The following CHML variants were observed in gnomAD, a reference collection of about 807,000 sequenced individuals.
CHML encodes the protein rab proteins geranylgeranyltransferase component A 2.
A neutral mutation model predicts 30.4 loss-of-function variants in CHML; 20 were observed. The observed-to-expected ratio is 0.66, with a 90% confidence interval of 0.46 to 0.95. CHML has a LOEUF of 0.95. Among genes scored for constraint, CHML ranks in the 40% least tolerant of loss-of-function variants. The pLI is 0.00. For missense variants in CHML, 795 were observed against 768.5 expected (o/e 1.03, Z -0.41); for synonymous variants, 281 against 275.0 (o/e 1.02, Z -0.22).
In CHML at chr1:241,631,844, G is replaced by C. The variant is rs1664646538; in HGVS notation, c.*1952C>G. The C allele has an allele frequency of 6.6e-6, 1 of 152,058 alleles. No individual in the cohort carries two copies. The highest frequency in any genetic ancestry group is 1.5e-5 in the Non-Finnish European group (1 of 67,996). The allele number at this position is 152,058 out of a possible 1,614,324, so 9.4% of individuals were successfully genotyped here. ...CCGGCAATGCTAGACTAATTTTCGT[G>C]GGCACTTTCTCTTTCTCCTGCAGCG... On this transcript the variant is annotated 3_prime_UTR_variant, in exon 2 of 2. Transcript: ENST00000366553.
rs900094675 is a variant in CHML, at chr1:241,633,131, T to C, written c.*665A>G. The C allele has an allele frequency of 6.6e-6, 1 of 152,192 alleles. No homozygotes were observed. Among genetic ancestry groups the C allele is most frequent in the Non-Finnish European group, 1.5e-5 (1 of 68,024 alleles). The allele number at this position is 152,192 out of a possible 1,614,324, so 9.4% of individuals were successfully genotyped here. A position where few individuals can be genotyped will look rare whatever the true frequency, so the allele number is the denominator to read the frequency against. ...ACTAATTGAACTCCAATTCTTTTTG[T>C]AAATTAGAATACTGTGGTGGCATCA... On this transcript the variant is annotated 3_prime_UTR_variant, in exon 2 of 2. Transcript: ENST00000366553.
At position 241,634,134 on chromosome 1, in the gene CHML, T is replaced by TTGTAA; in HGVS notation, c.1628_1632dup (p.Lys545LeufsTer14). The TTGTAA allele has an allele frequency of 6.2e-7, 1 of 1,613,120 alleles. No homozygotes were observed. The highest frequency in any genetic ancestry group is 8.5e-7 in the Non-Finnish European group (1 of 1,179,700). On this transcript the variant is annotated frameshift_variant, in exon 2 of 2. Coordinates refer to ENST00000366553, the MANE Select transcript of CHML (RefSeq NM_001381853.1). LOFTEE classifies it high-confidence loss of function. ...TAAAGAGCCCACAAGAGTCTTGGCT[T>TTGTAA]TGTAAGTTCTTCCTCGTTTATTTCT...
At position 241,633,939 on chromosome 1, in the gene CHML, G is replaced by A. The variant is rs1295152120; in HGVS notation, c.1828C>T (p.Pro610Ser). The A allele has an allele frequency of 3.7e-6, 6 of 1,613,924 alleles. No homozygotes were observed. In the South Asian group the frequency reaches 6.6e-5, roughly 18 times the overall value. ...AAGATAATGTCTTCTGGATTTGGAG[G>A]TGGAGGGCAGAATTCTTCAGTTGGA... ...IFPTEEFCPP[P>S]PNPEDIIFDG... Residue 610 changes from proline to serine, a missense_variant, in exon 2 of 2, where the codon CCT (proline) becomes TCT (serine). Pro to Ser is a moderately conservative substitution (Grantham distance 74). Coordinates refer to ENST00000366553, the MANE Select transcript of CHML (RefSeq NM_001381853.1).
intron 1 of CHML, among the ~76,000 whole-genome samples, chr1:241,637,769 GAA>G (rs948864092): frequency 5.9e-5 from 9 of 152,166 alleles, no homozygotes; most frequent in African/African-American, 2.2e-4. Flanking sequence ...AGTGACTTGA[GAA>G]AGCCCGCACA....
chr1:241,634,212 T>C lies in CHML; in HGVS notation c.1555A>G (p.Arg519Gly). The C allele has an allele frequency of 6.2e-7, 1 of 1,614,020 alleles. No homozygotes were observed. The highest frequency in any genetic ancestry group is 2.2e-5 in the East Asian group (1 of 44,884). ...TTCACCACTGATTCTAAGTCTTCTC[T>C]TGCTGTTTTAGAAGATGAACATGTC... ...HLTCSSSKTAREDLESVVKKL... is the reference protein window; with the variant it reads ...HLTCSSSKTAGEDLESVVKKL... Residue 519 changes from arginine (R) to glycine (G), a missense_variant, in exon 2 of 2, where the codon AGA becomes GGA. Transcript: ENST00000366553.
At position 241,629,686 on chromosome 1, in the gene CHML, G is replaced by C. The variant is rs1404038023; in HGVS notation, c.*4110C>G. 6.6e-6 allele frequency: 1 copy of C among 152,036 alleles called. No homozygotes were observed. Among genetic ancestry groups the C allele is most frequent in the Non-Finnish European group, 1.5e-5 (1 of 67,934 alleles). The allele number at this position is 152,036 out of a possible 1,614,324, so 9.4% of individuals were successfully genotyped here. A position where few individuals can be genotyped will look rare whatever the true frequency, so the allele number is the denominator to read the frequency against. ...TTATACCACTATTGGTGTGAGACTT[G>C]TAGTATTTTTCTTTTTATACTTAAC... is the stretch of plus-strand genomic sequence containing the variant. On this transcript the variant is annotated 3_prime_UTR_variant, in exon 2 of 2. Coordinates refer to ENST00000366553, the MANE Select transcript of CHML (RefSeq NM_001381853.1).
rs1664707703 is a variant in CHML, at chr1:241,633,028, C to A, written c.*768G>T. Reference sequence around the variant, plus strand: ...CAGGGCAGGGCTCTGCAGAAATTTTCTGAAGTATTAAATAAGAATAAATCT... The same window carrying A: ...CAGGGCAGGGCTCTGCAGAAATTTTATGAAGTATTAAATAAGAATAAATCT... On this transcript the variant is annotated 3_prime_UTR_variant, in exon 2 of 2. Coordinates refer to ENST00000366553, the MANE Select transcript of CHML (RefSeq NM_001381853.1). The A allele has an allele frequency of 1.3e-5, 2 of 152,244 alleles. No homozygotes were observed. The highest frequency in any genetic ancestry group is 4.8e-5 in the African/African-American group (2 of 41,540). The allele number at this position is 152,244 out of a possible 1,614,324, so 9.4% of individuals were successfully genotyped here. A position where few individuals can be genotyped will look rare whatever the true frequency, so the allele number is the denominator to read the frequency against.
rs1201771575 is a variant in CHML at position 241,640,349 on chromosome 1, C to T, written c.-775G>A. On this transcript the variant is annotated 5_prime_UTR_variant, in exon 1 of 2. Transcript: ENST00000366553. ...CTGGGTGGGGTTGGGGCTCCGCCGC[C>T]TGCTCTAGCCATTGTGCACTGAGGG... 3 of 1,061,454 alleles carry T rather than the reference C, an allele frequency of 2.8e-6. No homozygotes were observed. Among genetic ancestry groups the T allele is most frequent in the Non-Finnish European group, 3.4e-6 (3 of 881,448 alleles). 65.8% of individuals were successfully genotyped at this position (1,061,454 alleles called of 1,614,324 possible).
At position 241,629,482 on chromosome 1, in the gene CHML, T is replaced by C. The variant is rs1434979108; in HGVS notation, c.*4314A>G. 3 of 152,132 alleles carry C rather than the reference T, an allele frequency of 2.0e-5. No individual in the cohort carries two copies. The highest frequency in any genetic ancestry group is 4.8e-5 in the African/African-American group (2 of 41,464). 9.4% of individuals were successfully genotyped at this position (152,132 alleles called of 1,614,324 possible). ...ATTTATACACGATCGCTTTATAAAT[T>C]TGCCTAAGAGTACAAACCCTTATGG... On this transcript the variant is annotated 3_prime_UTR_variant, in exon 2 of 2. Coordinates refer to ENST00000366553, the MANE Select transcript of CHML (RefSeq NM_001381853.1).
intron 1 of CHML, among the ~76,000 whole-genome samples, chr1:241,636,879 A>C (rs1444816811): frequency 6.6e-6 from 1 of 152,106 alleles, no homozygotes; most frequent in African/African-American, 2.4e-5. Context: ...GAATCTCTGC[A>C]TCCCAAGCAA....
Position 241,635,181 on chromosome 1 carries a change from CATCTTT to C in CHML, c.580_585del (p.Lys194_Asp195del). On this transcript the variant is annotated inframe_deletion, in exon 2 of 2. Coordinates refer to ENST00000366553, the MANE Select transcript of CHML (RefSeq NM_001381853.1). ...GTAGATTTGCTTTCATCTTTATCTC[CATCTTT>C]ATCTGAAACTGTGTGCATACAAGTT... 3 of 1,613,010 alleles carry C rather than the reference CATCTTT, an allele frequency of 1.9e-6. No homozygotes were observed. The highest frequency in any genetic ancestry group is 2.5e-6 in the Non-Finnish European group (3 of 1,179,884).
chr1:241,630,815 T>A lies in CHML; in HGVS notation c.*2981A>T, dbSNP rs1467057815. ...TGAATTTTTGAAAAGTTATCTGTAA[T>A]TAATACTTTGGATTTTACTATTTGT... On this transcript the variant is annotated 3_prime_UTR_variant, in exon 2 of 2. Transcript: ENST00000366553. 1 of 152,128 alleles carries A rather than the reference T, an allele frequency of 6.6e-6. No individual in the cohort carries two copies. Among genetic ancestry groups the A allele is most frequent in the Admixed American group, 6.5e-5 (1 of 15,268 alleles). 9.4% of individuals were successfully genotyped at this position (152,128 alleles called of 1,614,324 possible). A position where few individuals can be genotyped will look rare whatever the true frequency, so the allele number is the denominator to read the frequency against.
At position 241,630,922 on chromosome 1, in the gene CHML, T is replaced by A. The variant is rs138332350; in HGVS notation, c.*2874A>T. ...TGATAGTAAATTATTTGTTGCTGTATTGTTTGCCAATATTTTATTTTGCAT... is the reference window on the plus strand; with the variant it reads ...TGATAGTAAATTATTTGTTGCTGTAATGTTTGCCAATATTTTATTTTGCAT... On this transcript the variant is annotated 3_prime_UTR_variant, in exon 2 of 2. Coordinates refer to ENST00000366553, the MANE Select transcript of CHML (RefSeq NM_001381853.1). 6.6e-6 allele frequency: 1 copy of A among 152,096 alleles called. No homozygotes were observed. The highest frequency in any genetic ancestry group is 1.5e-5 in the Non-Finnish European group (1 of 67,940). 9.4% of individuals were successfully genotyped at this position (152,096 alleles called of 1,614,324 possible). A position where few individuals can be genotyped will look rare whatever the true frequency, so the allele number is the denominator to read the frequency against.
At position 241,633,722 on chromosome 1, in the gene CHML, G is replaced by A; in HGVS notation, c.*74C>T. The A allele has an allele frequency of 1.3e-6, 2 of 1,506,586 alleles. No homozygotes were observed. 93.3% of individuals were successfully genotyped at this position (1,506,586 alleles called of 1,614,324 possible). On this transcript the variant is annotated 3_prime_UTR_variant, in exon 2 of 2. Transcript: ENST00000366553. The stretch of plus-strand genomic sequence containing the variant: ...TAACCACTTCTAATTACTCATATGG[G>A]AAACTGTCCTTTAAATGAGAAAATT...
Position 241,640,303 on chromosome 1 carries a change from G to A in CHML, c.-729C>T. ...GGGCGGAGGCGCTCAGCTTGCGGCG[G>A]GGCTCGCGGCGCGCTCCGCACTGGG... is the stretch of plus-strand genomic sequence containing the variant. On this transcript the variant is annotated 5_prime_UTR_variant, in exon 1 of 2. Transcript: ENST00000366553. The A allele has an allele frequency of 1.8e-6, 2 of 1,114,886 alleles. No homozygotes were observed. Among genetic ancestry groups the A allele is most frequent in the South Asian group, 4.4e-5 (1 of 22,710 alleles). The allele number at this position is 1,114,886 out of a possible 1,614,324, so 69.1% of individuals were successfully genotyped here. A position where few individuals can be genotyped will look rare whatever the true frequency, so the allele number is the denominator to read the frequency against.
In CHML at chr1:241,634,085, C is replaced by G; in HGVS notation, c.1682G>C (p.Gly561Ala). Residue 561 changes from glycine to alanine, a missense_variant, in exon 2 of 2, where the codon GGA (glycine) becomes GCA (alanine). Coordinates refer to ENST00000366553, the MANE Select transcript of CHML (RefSeq NM_001381853.1). ...GCCATTATACGAGCTTCTGCTGATT[C>G]CCGAGGAATCTCTCATATTAAAATA... ...ALYFNMRDSS[G>A]ISRSSYNGLP... 6.2e-7 allele frequency: 1 copy of G among 1,611,332 alleles called. No individual in the cohort carries two copies. Among genetic ancestry groups the G allele is most frequent in the East Asian group, 2.2e-5 (1 of 44,866 alleles).
chr1:241,640,311 G>T lies in CHML; in HGVS notation c.-737C>A. On this transcript the variant is annotated 5_prime_UTR_variant, in exon 1 of 2. Coordinates refer to ENST00000366553, the MANE Select transcript of CHML (RefSeq NM_001381853.1). ...GCGCTCAGCTTGCGGCGGGGCTCGC[G>T]GCGCGCTCCGCACTGGGTGGGGTTG... 9.1e-7 allele frequency: 1 copy of T among 1,100,544 alleles called. No individual in the cohort carries two copies. The highest frequency in any genetic ancestry group is 4.4e-5 in the South Asian group (1 of 22,510). The allele number at this position is 1,100,544 out of a possible 1,614,324, so 68.2% of individuals were successfully genotyped here.
At position 241,629,796 on chromosome 1, in the gene CHML, TTAA is replaced by T. The variant is rs1573965165; in HGVS notation, c.*3997_*3999del. On this transcript the variant is annotated 3_prime_UTR_variant, in exon 2 of 2. Coordinates refer to ENST00000366553, the MANE Select transcript of CHML (RefSeq NM_001381853.1). ...TAGCTAGTCTTTCCACCAGCAGTTA[TTAA>T]TATTTCTTTCTTTCCATTGGCTTAT... 3 of 152,124 alleles carry T rather than the reference TTAA, an allele frequency of 2.0e-5. No individual in the cohort carries two copies. Among genetic ancestry groups the T allele is most frequent in the African/African-American group, 7.2e-5 (3 of 41,450 alleles). The allele number at this position is 152,124 out of a possible 1,614,324, so 9.4% of individuals were successfully genotyped here.
chr1:241,629,383 T>C lies in CHML; in HGVS notation c.*4413A>G, dbSNP rs1664527356. 1 of 152,120 alleles carries C rather than the reference T, an allele frequency of 6.6e-6. No individual in the cohort carries two copies. Among genetic ancestry groups the C allele is most frequent in the Non-Finnish European group, 1.5e-5 (1 of 67,970 alleles). The allele number at this position is 152,120 out of a possible 1,614,324, so 9.4% of individuals were successfully genotyped here. A position where few individuals can be genotyped will look rare whatever the true frequency, so the allele number is the denominator to read the frequency against. On this transcript the variant is annotated 3_prime_UTR_variant, in exon 2 of 2. Transcript: ENST00000366553. Reference sequence around the variant, plus strand: ...AATTAAAACAGTTTTGCTAATACAATAGCATGAACTAAGTCAAAGTTGCAT... The same window carrying C: ...AATTAAAACAGTTTTGCTAATACAACAGCATGAACTAAGTCAAAGTTGCAT...
Sources: gnomAD v4.1 joint callset for allele counts (sites outside exome capture counted in the v4.1 genomes callset) on GRCh38, gnomAD v4.1.1 for gene constraint, MANE v1.5 for transcripts, NCBI Gene and HGNC (gene_info 2026-07-23, HGNC 2026-07-21) for gene names.